Variants in CSMD1 observed in about 807,000 individuals in gnomAD.
The protein encoded by CSMD1 is CUB and Sushi multiple domains 1.
CSMD1 carries 213 observed loss-of-function variants against 417.5 expected under a neutral mutation model. That is an observed-to-expected ratio of 0.51 (90% confidence interval 0.46 to 0.57). The LOEUF (loss-of-function observed/expected upper bound fraction) is 0.57, where lower values mean the gene tolerates loss of function less well. Ranked by LOEUF, CSMD1 falls within the 20% of genes least tolerant of loss-of-function variation. The pLI is 0.00. For synonymous variants in CSMD1, 2,862 were observed against 1,736.8 expected, an observed-to-expected ratio of 1.65 and a Z score of -16.11; for missense variants, 6,923 against 4,529.7, an observed-to-expected ratio of 1.53 and a Z score of -15.17.
At chr8:4,040,720 G>C (rs1797843964) in intron 3 of CSMD1, among the ~76,000 whole-genome samples, 3 of 152,254 alleles carry the variant, frequency 2.0e-5, no homozygotes, top group South Asian at 2.1e-4. Context: ...AACACTGCAG[G>C]AGAGACTGCA....
intron 3 of CSMD1, among the ~76,000 whole-genome samples, chr8:4,150,786 G>A (rs976112693): frequency 2.6e-5 from 4 of 152,310 alleles, no homozygotes; most frequent in Middle Eastern, 3.4e-3. Context: ...ATTTAAATGT[G>A]TAGTTTGCGC....
At chr8:3,714,730 C>T (rs554327805) in intron 6 of CSMD1, among the ~76,000 whole-genome samples, 1 of 151,868 alleles carries the variant, frequency 6.6e-6, no homozygotes, top group Non-Finnish European at 1.5e-5. Flanking sequence ...CAGTGAGACC[C>T]TTTAGTTTCT....
intron 5 of CSMD1, among the ~76,000 whole-genome samples, chr8:3,919,903 AT>A (rs1035351278): frequency 6.6e-6 from 1 of 151,876 alleles, no homozygotes; most frequent in African/African-American, 2.4e-5. Context: ...TCAAAATGAG[AT>A]TTTTTTGGGA....
At chr8:4,850,049 G>A (rs997367870) in intron 1 of CSMD1, among the ~76,000 whole-genome samples, 1 of 152,052 alleles carries the variant, frequency 6.6e-6, no homozygotes, top group Non-Finnish European at 1.5e-5. Context: ...TACTATACTT[G>A]GCTTTTTTTA....
intron 2 of CSMD1, among the ~76,000 whole-genome samples, chr8:4,509,487 C>G (rs914457985): frequency 1.3e-5 from 2 of 152,132 alleles, no homozygotes; most frequent in Non-Finnish European, 2.9e-5. Context: ...CCATGGGATT[C>G]TTACTAGACG....
chr8:4,049,044 C>G (rs1387441907), intron 3 of CSMD1, among the ~76,000 whole-genome samples: 1 of 152,170 alleles, frequency 6.6e-6, no homozygotes, highest in East Asian at 1.9e-4. Flanking sequence ...CCCATCTCAA[C>G]AACTCTCAAA....
At chr8:4,482,674 G>C (rs1192125228) in intron 2 of CSMD1, among the ~76,000 whole-genome samples, 1 of 152,132 alleles carries the variant, frequency 6.6e-6, no homozygotes, top group African/African-American at 2.4e-5. Flanking sequence ...TTTCCACACT[G>C]TCTTCCACAA....
At chr8:4,473,059 T>A (rs193259597) in intron 2 of CSMD1, among the ~76,000 whole-genome samples, 1 of 152,166 alleles carries the variant, frequency 6.6e-6, no homozygotes, top group Non-Finnish European at 1.5e-5. Flanking sequence ...CATTAAGTGA[T>A]ATTTTAGGAT....
intron 6 of CSMD1, among the ~76,000 whole-genome samples, chr8:3,731,432 T>C (rs758599106): frequency 1.3e-5 from 2 of 152,188 alleles, no homozygotes; most frequent in African/African-American, 2.4e-5. Flanking sequence ...CCTGGCATGG[T>C]CATGATAATG....
chr8:4,306,621 C>A (rs1585199337), intron 3 of CSMD1, among the ~76,000 whole-genome samples: 1 of 152,130 alleles, frequency 6.6e-6, no homozygotes, highest in East Asian at 1.9e-4. Context: ...CCTCTTCAAT[C>A]TCATTCACAC....
intron 1 of CSMD1, among the ~76,000 whole-genome samples, chr8:4,879,146 A>T (rs1325947440): frequency 6.6e-6 from 1 of 152,136 alleles, no homozygotes; most frequent in Non-Finnish European, 1.5e-5. Flanking sequence ...ATATGGTGGC[A>T]GCTTTAAAAA....
At chr8:4,644,458 G>A (rs1261432213) in intron 1 of CSMD1, among the ~76,000 whole-genome samples, 2 of 152,064 alleles carry the variant, frequency 1.3e-5, no homozygotes, top group South Asian at 2.1e-4. Context: ...CCAGGCTAGA[G>A]TGCAGCGGCG....
chr8:3,675,413 G>T (rs1799321584), intron 7 of CSMD1, among the ~76,000 whole-genome samples: 2 of 152,300 alleles, frequency 1.3e-5, no homozygotes, highest in South Asian at 4.1e-4. Context: ...GTTTGCTAAT[G>T]AACAAAGGAA....
At chr8:4,743,079 T>C (rs577666442) in intron 1 of CSMD1, among the ~76,000 whole-genome samples, 1 of 152,188 alleles carries the variant, frequency 6.6e-6, no homozygotes, top group Non-Finnish European at 1.5e-5. Flanking sequence ...TACATTAAAA[T>C]TGGCTCTGCT....
intron 20 of CSMD1, among the ~76,000 whole-genome samples, chr8:3,362,448 T>C (rs12541278): frequency 0.66 from 100,520 of 151,978 alleles, 33,279 homozygotes; most frequent in Admixed American, 0.74. Context: ...ATGCTCTCTT[T>C]TTTCTCCAAA....
At chr8:3,196,867 A>G (rs1266797150) in intron 33 of CSMD1, among the ~76,000 whole-genome samples, 2 of 152,176 alleles carry the variant, frequency 1.3e-5, no homozygotes, top group South Asian at 4.1e-4. Context: ...GCACGAAACT[A>G]AAGATAAGAG....
At chr8:4,048,477 C>G (rs1798262424) in intron 3 of CSMD1, among the ~76,000 whole-genome samples, 1 of 152,130 alleles carries the variant, frequency 6.6e-6, no homozygotes, top group African/African-American at 2.4e-5. Flanking sequence ...ACTATTATCC[C>G]CATTTTAAAG....
intron 1 of CSMD1, among the ~76,000 whole-genome samples, chr8:4,746,441 A>G (rs1280389581): frequency 1.3e-5 from 2 of 152,174 alleles, no homozygotes; most frequent in Admixed American, 6.5e-5. Context: ...ATGGAAGTGG[A>G]CTTGCTCACC....
intron 50 of CSMD1, among the ~76,000 whole-genome samples, chr8:3,032,507 T>C (rs1478122801): frequency 6.6e-5 from 10 of 151,978 alleles, no homozygotes; most frequent in South Asian, 2.1e-4. Context: ...CTTGGTCCAA[T>C]AAAATAATGT....
Sources: gnomAD v4.1 joint callset for allele counts (sites outside exome capture counted in the v4.1 genomes callset) on GRCh38, gnomAD v4.1.1 for gene constraint, MANE v1.5 for transcripts, NCBI Gene and HGNC (gene_info 2026-07-23, HGNC 2026-07-21) for gene names.